Variants in PPEF1 observed in about 807,000 individuals in gnomAD.
The protein encoded by PPEF1 is protein phosphatase with EF-hand domain 1.
In PPEF1, 12 loss-of-function variants were observed where a neutral mutation model predicts 53.3. That is an observed-to-expected ratio of 0.23 (90% CI 0.14 to 0.36). PPEF1 has a LOEUF of 0.36. PPEF1 is among the 10% of genes least tolerant of loss of function. The pLI is 1.00. For missense variants in PPEF1, 334 were observed against 490.4 expected, an observed-to-expected ratio of 0.68 and a Z score of 3.01; for synonymous variants, 165 against 176.7, an observed-to-expected ratio of 0.93 and a Z score of 0.52.
At chrX:18,676,029 C>CT (rs1928663729) in exon 1 of PPEF1, 1 of 103,426 alleles carries the variant, frequency 9.7e-6, no homozygotes, top group Non-Finnish European at 1.9e-5. Flanking sequence ...TTCTCTGGAT[C>CT]TTCTGCTGAG....
intron 11 of PPEF1, among the ~76,000 whole-genome samples, chrX:18,805,660 T>C (rs1461167352): frequency 4.6e-5 from 5 of 108,795 alleles, no homozygotes; most frequent in African/African-American, 1.7e-4. Flanking sequence ...CTGGTCAACA[T>C]GGTAAGACCC....
At chrX:18,745,109 AATTAT>A (rs1356473773) in intron 3 of PPEF1, among the ~76,000 whole-genome samples, 25 of 96,221 alleles carry the variant, frequency 2.6e-4, no homozygotes, top group Admixed American at 7.9e-4. Context: ...TATATTATAT[AATTAT>A]ATTATATATA....
chrX:18,772,802 G>T (rs2045895027), intron 6 of PPEF1, among the ~76,000 whole-genome samples: 1 of 112,294 alleles, frequency 8.9e-6, no homozygotes, highest in African/African-American at 3.2e-5. Flanking sequence ...AAAGTTGATT[G>T]GGGCTGAGGG....
chrX:18,751,927 G>C (rs980842678), intron 4 of PPEF1, among the ~76,000 whole-genome samples: 1 of 112,551 alleles, frequency 8.9e-6, no homozygotes, highest in Non-Finnish European at 1.9e-5. Flanking sequence ...AAATAGGGAA[G>C]TGTGAGTCCT....
At chrX:18,697,696 T>A (rs972860596) in intron 4 of PPEF1, 1 of 111,988 alleles carries the variant, frequency 8.9e-6, no homozygotes, top group Non-Finnish European at 1.9e-5. Flanking sequence ...ACCTAGTATG[T>A]ATATTTCAAT....
At chrX:18,711,475 A>T (rs974467053) in intron 1 of PPEF1, among the ~76,000 whole-genome samples, 3 of 111,633 alleles carry the variant, frequency 2.7e-5, no homozygotes, top group African/African-American at 9.8e-5. Flanking sequence ...GGCCAAAAAA[A>T]GTTTTGTACT....
chrX:18,821,802 AG>A (rs1363906493), intron 13 of PPEF1, among the ~76,000 whole-genome samples: 16 of 94,618 alleles, frequency 1.7e-4, no homozygotes, highest in African/African-American at 7.7e-4. Flanking sequence ...AGAGAGAGAG[AG>A]AAAACAAATA....
In PPEF1 at chrX:18,733,497, G is replaced by C. The variant is rs74702012; in HGVS notation, c.175-251G>C. On this transcript the variant is annotated intron_variant, in intron 2 of 15. Transcript: ENST00000470157. ...GGCAAGGGAGGTGGGGGACTGGGCTGTTACACCCTTGCTTCAGCCAGTCGT... is the reference window on the plus strand; with the variant it reads ...GGCAAGGGAGGTGGGGGACTGGGCTCTTACACCCTTGCTTCAGCCAGTCGT... Among the ~76,000 whole-genome samples the C allele has an allele frequency of 0.013, 1,472 of 112,025 alleles. 29 individuals are homozygous for C. In the South Asian group the frequency reaches 0.15, roughly 12 times the overall value.
intron 10 of PPEF1, among the ~76,000 whole-genome samples, chrX:18,800,905 A>T (rs915606640): frequency 2.7e-5 from 3 of 111,339 alleles, no homozygotes; most frequent in Admixed American, 9.6e-5. Flanking sequence ...TTTGGCTATA[A>T]ATGATTTGCA....
intron 6 of PPEF1, among the ~76,000 whole-genome samples, chrX:18,762,627 C>G (rs763043228): frequency 8.9e-6 from 1 of 112,169 alleles, no homozygotes; most frequent in South Asian, 3.8e-4. Flanking sequence ...TGATGATATG[C>G]TAAACAAGGG....
At chrX:18,770,718 A>C (rs2045856652) in intron 6 of PPEF1, among the ~76,000 whole-genome samples, 2 of 112,079 alleles carry the variant, frequency 1.8e-5, no homozygotes, top group Admixed American at 9.5e-5. Flanking sequence ...GTAGCAAAGA[A>C]TTTACCCACA....
rs1379270777 is a variant in PPEF1 at position 18,826,283 on chromosome X, T to G, written c.1750+448T>G. 3.6e-5 allele frequency among the ~76,000 whole-genome samples: 4 copies of G among 110,987 alleles called. No homozygotes were observed. The Admixed American group carries it at 3.9e-4, about 11-fold the overall frequency. On this transcript the variant is annotated intron_variant, in intron 15 of 15. Transcript: ENST00000470157. ...CCATCAGTCAAACTGAAATAACTTT[T>G]TATAAATCACCAGCACAAATGAAAA...
At chrX:18,742,815 C>T (rs2045209898) in intron 3 of PPEF1, among the ~76,000 whole-genome samples, 1 of 108,482 alleles carries the variant, frequency 9.2e-6, no homozygotes, top group South Asian at 4.1e-4. Context: ...TGCTACTGCA[C>T]TCCAGCCTGG....
rs67428456 is a variant in PPEF1 at position 18,802,853 on chromosome X, C to CA, written c.1066-1029dup. 1.3e-3 allele frequency among the ~76,000 whole-genome samples: 136 copies of CA among 107,111 alleles called. 1 individual carries two copies. The East Asian group carries it at 0.036, about 28-fold the overall frequency. 93.0% of individuals were successfully genotyped at this position (107,111 alleles called of 115,157 possible). On this transcript the variant is annotated intron_variant, in intron 10 of 15. Coordinates refer to ENST00000470157, the MANE Select transcript of PPEF1 (RefSeq NM_001377996.1). ...GATGGAATTTTTAAAGCCAAAAAAA[C>CA]AAAAAAAAAATGGCAAGGCCTGATT...
chrX:18,776,544 C>T (rs974212421), intron 6 of PPEF1, among the ~76,000 whole-genome samples: 2 of 111,681 alleles, frequency 1.8e-5, no homozygotes, highest in African/African-American at 3.3e-5. Flanking sequence ...GACTTCTTTA[C>T]GTTTTGATGA....
intron 15 of PPEF1, among the ~76,000 whole-genome samples, chrX:18,826,790 C>T (rs1001633626): frequency 1.8e-5 from 2 of 109,131 alleles, no homozygotes; most frequent in Admixed American, 2.0e-4. Flanking sequence ...TCAGATAATC[C>T]CCTAATGCAG....
intron 13 of PPEF1, among the ~76,000 whole-genome samples, chrX:18,820,134 T>C (rs771955867): frequency 3.0e-3 from 338 of 111,773 alleles, no homozygotes; most frequent in Non-Finnish European, 4.8e-3. Context: ...TTTATTAGTA[T>C]CAGGCAAAGT....
At chrX:18,688,736 A>C (rs1211232999) in intron 3 of PPEF1, 3 of 112,677 alleles carry the variant, frequency 2.7e-5, no homozygotes, top group Admixed American at 9.4e-5. Context: ...TGTAGAATTA[A>C]TACATTTTAG....
At chrX:18,714,462 G>A (rs1484453910) in intron 1 of PPEF1, among the ~76,000 whole-genome samples, 4 of 110,044 alleles carry the variant, frequency 3.6e-5, no homozygotes, top group African/African-American at 9.9e-5. Context: ...TAGTAGAGGC[G>A]GGGCTTCACC....
Sources: gnomAD v4.1 joint callset for allele counts (sites outside exome capture counted in the v4.1 genomes callset) on GRCh38, gnomAD v4.1.1 for gene constraint, MANE v1.5 for transcripts, NCBI Gene and HGNC (gene_info 2026-07-23, HGNC 2026-07-21) for gene names.